PSTPIP2: variants seen among roughly 807,000 people sequenced by gnomAD.
The protein encoded by PSTPIP2 is proline-serine-threonine phosphatase interacting protein 2.
A neutral mutation model predicts 63.3 loss-of-function variants in PSTPIP2; 33 were observed. That is an observed-to-expected ratio of 0.52 (90% CI 0.40 to 0.70). PSTPIP2 has a LOEUF of 0.70. PSTPIP2 is among the 30% of genes least tolerant of loss of function. The pLI, the probability that PSTPIP2 is intolerant of heterozygous loss-of-function variation, is 0.00. For missense variants in PSTPIP2, 312 were observed against 400.7 expected (o/e 0.78, Z 1.89); for synonymous variants, 125 against 132.7 (o/e 0.94, Z 0.40).
chr18:46,018,531 G>C (rs1256346596), intron 3 of PSTPIP2, among the ~76,000 whole-genome samples: 3 of 152,042 alleles, frequency 2.0e-5, no homozygotes, highest in Non-Finnish European at 4.4e-5. Flanking sequence ...ACCACGCCCA[G>C]CTAATTTTTG....
intron 1 of PSTPIP2, among the ~76,000 whole-genome samples, chr18:46,051,686 A>G (rs1181243926): frequency 6.6e-6 from 1 of 152,038 alleles, no homozygotes; most frequent in African/African-American, 2.4e-5. Flanking sequence ...AAAGCCCCAA[A>G]CCCCCAGGGA....
At chr18:46,011,580 A>G (rs2051797223) in intron 4 of PSTPIP2, among the ~76,000 whole-genome samples, 2 of 152,208 alleles carry the variant, frequency 1.3e-5, no homozygotes, top group Non-Finnish European at 2.9e-5. Flanking sequence ...TGAAGGTTAC[A>G]TCCTAGGAGA....
chr18:46,046,411 T>C (rs1568228246), intron 1 of PSTPIP2, among the ~76,000 whole-genome samples: 1 of 152,188 alleles, frequency 6.6e-6, no homozygotes, highest in Non-Finnish European at 1.5e-5. Flanking sequence ...ACAGCCTCTA[T>C]AGACATGGGC....
At chr18:46,006,627 G>T (rs538221419) in intron 5 of PSTPIP2, among the ~76,000 whole-genome samples, 93 of 151,988 alleles carry the variant, frequency 6.1e-4, no homozygotes, top group Middle Eastern at 6.8e-3. Flanking sequence ...ACCCACCTCG[G>T]CCTCCCAAAG....
chr18:45,997,964 G>C, intron 8 of PSTPIP2, 136 bp from the exon 9 acceptor site: 1 of 712,608 alleles, frequency 1.4e-6, no homozygotes, highest in Non-Finnish European at 2.5e-6. Flanking sequence ...AGGACTCTGA[G>C]CACTGGGAGT....
At chr18:46,052,837 G>T (rs934096599) in intron 1 of PSTPIP2, among the ~76,000 whole-genome samples, 1 of 152,190 alleles carries the variant, frequency 6.6e-6, no homozygotes, top group African/African-American at 2.4e-5. Flanking sequence ...AATGTTCTAA[G>T]TAATCAAAGA....
At position 46,015,896 on chromosome 18, in the gene PSTPIP2, CACTT is replaced by C. The variant is rs765398236; in HGVS notation, c.247+3_247+6del. On this transcript the variant is annotated splice_donor_5th_base_variant and intron_variant, in intron 4 of 14. Transcript: ENST00000409746. ...TGAATACATTTTTTAAAAAAAAAAT[CACTT>C]ACGCTGCTTGAAGACTTCAAGGGCC... 1.9e-6 allele frequency: 3 copies of C among 1,610,050 alleles called. No homozygotes were observed. Among genetic ancestry groups the C allele is most frequent in the Non-Finnish European group, 2.5e-6 (3 of 1,177,854 alleles).
chr18:46,042,321 T>G (rs1908222560), intron 1 of PSTPIP2, among the ~76,000 whole-genome samples: 1 of 152,164 alleles, frequency 6.6e-6, no homozygotes, highest in African/African-American at 2.4e-5. Flanking sequence ...AATGAAGCTC[T>G]CAGCAGCAGC....
intron 1 of PSTPIP2, among the ~76,000 whole-genome samples, chr18:46,059,122 C>T (rs903034106): frequency 2.6e-5 from 4 of 151,888 alleles, no homozygotes; most frequent in East Asian, 1.9e-4. Flanking sequence ...CTGCAACCTC[C>T]GCCTCCCAGG....
chr18:46,002,598 A>C (rs1328405351), intron 6 of PSTPIP2, among the ~76,000 whole-genome samples: 2 of 152,062 alleles, frequency 1.3e-5, no homozygotes, highest in African/African-American at 4.8e-5. Context: ...TCATCTTTAT[A>C]TCTTCTATTT....
chr18:45,999,592 G>A (rs1296570138), intron 6 of PSTPIP2, 58 bp from the exon 7 acceptor site: 8 of 1,581,046 alleles, frequency 5.1e-6, no homozygotes, highest in Admixed American at 1.7e-5. Context: ...ACCATGAAAT[G>A]CAGCCCCCTT....
intron 1 of PSTPIP2, among the ~76,000 whole-genome samples, chr18:46,070,488 G>A (rs1330993150): frequency 1.3e-5 from 2 of 152,216 alleles, no homozygotes; most frequent in Non-Finnish European, 2.9e-5. Context: ...AAATACTGAG[G>A]ATTGTGTTGT....
At chr18:46,044,405 G>T (rs1368145446) in intron 1 of PSTPIP2, among the ~76,000 whole-genome samples, 2 of 152,078 alleles carry the variant, frequency 1.3e-5, no homozygotes, top group South Asian at 2.1e-4. Context: ...CAAGCAATGG[G>T]GAAAGGATTC....
chr18:45,997,948 G>T, intron 8 of PSTPIP2, 120 bp from the exon 9 acceptor site: 1 of 811,144 alleles, frequency 1.2e-6, no homozygotes, highest in Non-Finnish European at 2.1e-6. Flanking sequence ...AGCTTACAAG[G>T]CCCCCAGGAC....
At chr18:46,069,641 T>C (rs897735648) in intron 1 of PSTPIP2, among the ~76,000 whole-genome samples, 1 of 152,202 alleles carries the variant, frequency 6.6e-6, no homozygotes, top group Non-Finnish European at 1.5e-5. Flanking sequence ...TTTAAATAAA[T>C]ATTTTCATGA....
chr18:46,032,470 C>T (rs1421909134), intron 2 of PSTPIP2, among the ~76,000 whole-genome samples: 2 of 152,078 alleles, frequency 1.3e-5, no homozygotes, highest in African/African-American at 4.8e-5. Flanking sequence ...CAACCCATGA[C>T]AGGCTGGGTG....
intron 14 of PSTPIP2, among the ~76,000 whole-genome samples, chr18:45,987,648 C>A (rs1247644302): frequency 6.6e-6 from 1 of 152,136 alleles, no homozygotes; most frequent in Admixed American, 6.5e-5. Flanking sequence ...CTCTTCAGAC[C>A]TTTTCTTAGC....
intron 2 of PSTPIP2, chr18:46,029,805 T>C: frequency 2.1e-6 from 1 of 481,018 alleles, no homozygotes; most frequent in East Asian, 4.4e-5. Context: ...GTGGATACTT[T>C]GCCTTGGGGA....
chr18:46,016,154 G>A lies in PSTPIP2; in HGVS notation c.213-217C>T, dbSNP rs2051850755. 1.5e-5 allele frequency: 8 copies of A among 548,564 alleles called. No individual in the cohort carries two copies. In the Admixed American group the frequency reaches 1.5e-4, roughly 11 times the overall value. 34.0% of individuals were successfully genotyped at this position (548,564 alleles called of 1,614,324 possible). A position where few individuals can be genotyped will look rare whatever the true frequency, so the allele number is the denominator to read the frequency against. On this transcript the variant is annotated intron_variant, in intron 3 of 14. Coordinates refer to ENST00000409746, the MANE Select transcript of PSTPIP2 (RefSeq NM_024430.4). ...AAATTCTTCACTGTTCATTTGGGGA[G>A]AGCAACATGCCAAAACTCTTTGTGT...
Sources: gnomAD v4.1 joint callset for allele counts (sites outside exome capture counted in the v4.1 genomes callset) on GRCh38, gnomAD v4.1.1 for gene constraint, MANE v1.5 for transcripts, NCBI Gene and HGNC (gene_info 2026-07-23, HGNC 2026-07-21) for gene names.